GRXCR1: variants seen among roughly 807,000 people sequenced by gnomAD.
The protein encoded by GRXCR1 is glutaredoxin and cysteine rich domain containing 1, also known as glutaredoxin domain-containing cysteine-rich protein 1.
A neutral mutation model predicts 27.3 loss-of-function variants in GRXCR1; 27 were observed. The ratio of observed to expected loss-of-function variants is 0.99; its 90% CI spans 0.73 to 1.37. The LOEUF is 1.37. Ranked by LOEUF, GRXCR1 falls within the 40% of genes most tolerant of loss-of-function variation. GRXCR1 has a pLI of 0.00. For synonymous variants in GRXCR1, 122 were observed against 131.1 expected (o/e 0.93, Z 0.47); for missense variants, 379 against 354.4 (o/e 1.07, Z -0.56).
chr4:42,928,812 C>T (rs1747232887), intron 1 of GRXCR1, among the ~76,000 whole-genome samples: 1 of 151,904 alleles, frequency 6.6e-6, no homozygotes, highest in Non-Finnish European at 1.5e-5. Context: ...ATCCCTGACC[C>T]TTGGATAATT....
intron 2 of GRXCR1, among the ~76,000 whole-genome samples, chr4:42,981,585 T>A (rs942152584): frequency 6.6e-6 from 1 of 152,222 alleles, no homozygotes; most frequent in African/African-American, 2.4e-5. Context: ...TTCTTTTAGC[T>A]TGAAGAACTT....
chr4:43,001,083 T>C (rs1712340719), intron 2 of GRXCR1, among the ~76,000 whole-genome samples: 1 of 151,598 alleles, frequency 6.6e-6, no homozygotes, highest in African/African-American at 2.4e-5. Context: ...GCCCTCATTG[T>C]GCCCAGCTAA....
chr4:42,928,425 C>A (rs1272640109), intron 1 of GRXCR1, among the ~76,000 whole-genome samples: 1 of 151,946 alleles, frequency 6.6e-6, no homozygotes, highest in Non-Finnish European at 1.5e-5. Flanking sequence ...GTATTAGAGG[C>A]AATGGTCTTC....
chr4:43,019,296 C>G (rs1713028043), intron 2 of GRXCR1, among the ~76,000 whole-genome samples: 1 of 152,164 alleles, frequency 6.6e-6, no homozygotes. Flanking sequence ...AAAAAATACA[C>G]TTTTACATAA....
Position 42,987,273 on chromosome 4 carries a change from T to G in GRXCR1, c.627+24139T>G, listed in dbSNP as rs545883237. Among the ~76,000 whole-genome samples the G allele has an allele frequency of 3.0e-3, 312 of 105,738 alleles. 3 individuals carry two copies. Among genetic ancestry groups the G allele is most frequent in the South Asian group, 9.6e-3 (34 of 3,540 alleles). The allele number at this position is 105,738 out of a possible 152,430, so 69.4% of individuals were successfully genotyped here. ...AATATATATATATAATATATATATA[T>G]ATATAGAGAGAGAGAGAGAGAGAGA... On this transcript the variant is annotated intron_variant, in intron 2 of 3. Transcript: ENST00000399770.
intron 1 of GRXCR1, among the ~76,000 whole-genome samples, chr4:42,938,742 C>T (rs1747521629): frequency 6.6e-6 from 1 of 151,904 alleles, no homozygotes; most frequent in Admixed American, 6.6e-5. Context: ...TTTCCCAGCA[C>T]CATTAATTAA....
chr4:42,928,198 G>C (rs1448190279), intron 1 of GRXCR1, among the ~76,000 whole-genome samples: 1 of 151,960 alleles, frequency 6.6e-6, no homozygotes, highest in African/African-American at 2.4e-5. Flanking sequence ...GTATTAGGTA[G>C]TACTTCTACT....
chr4:43,018,957 C>T (rs755052358), intron 2 of GRXCR1, among the ~76,000 whole-genome samples: 2 of 152,122 alleles, frequency 1.3e-5, no homozygotes, highest in Non-Finnish European at 2.9e-5. Context: ...CTCTGTAGCC[C>T]TGTGCGTTCG....
In GRXCR1 at chr4:42,969,300, AG is replaced by A. The variant is rs1353930668; in HGVS notation, c.627+6167del. On this transcript the variant is annotated intron_variant, in intron 2 of 3. Transcript: ENST00000399770. The stretch of plus-strand genomic sequence containing the variant: ...TGGGAGTCTTTGAATATCTGCTGAA[AG>A]ATGTTGATATTTTTGTTTTTGTCTG... Among the ~76,000 whole-genome samples, 3 of 152,096 alleles carry A rather than the reference AG, an allele frequency of 2.0e-5. No individual in the cohort carries two copies. The East Asian group carries it at 5.8e-4, about 29-fold the overall frequency.
chr4:42,927,025 A>G (rs1384797286), intron 1 of GRXCR1, among the ~76,000 whole-genome samples: 1 of 152,024 alleles, frequency 6.6e-6, no homozygotes, highest in African/African-American at 2.4e-5. Flanking sequence ...CATCACCCAA[A>G]TCATTATTAT....
At chr4:42,978,321 A>ATAAC (rs1289081822) in intron 2 of GRXCR1, among the ~76,000 whole-genome samples, 1 of 152,040 alleles carries the variant, frequency 6.6e-6, no homozygotes, top group African/African-American at 2.4e-5. Flanking sequence ...GAATTTTAGG[A>ATAAC]TAACTTTTTA....
At chr4:42,938,013 C>G (rs1038827484) in intron 1 of GRXCR1, among the ~76,000 whole-genome samples, 6 of 151,916 alleles carry the variant, frequency 3.9e-5, no homozygotes, top group African/African-American at 1.4e-4. Context: ...AAAATTAGAT[C>G]TGATTCGTTG....
intron 1 of GRXCR1, among the ~76,000 whole-genome samples, chr4:42,902,766 G>A (rs1390448224): frequency 6.6e-6 from 1 of 152,144 alleles, no homozygotes; most frequent in East Asian, 1.9e-4. Flanking sequence ...GATGATCTGT[G>A]CAGCAAACCA....
chr4:42,974,029 C>A (rs537525853), intron 2 of GRXCR1, among the ~76,000 whole-genome samples: 2 of 152,236 alleles, frequency 1.3e-5, no homozygotes, highest in Admixed American at 1.3e-4. Context: ...ATAGAACCAA[C>A]GTTTCATATG....
At chr4:43,007,635 TA>T (rs1478452453) in intron 2 of GRXCR1, among the ~76,000 whole-genome samples, 1 of 152,152 alleles carries the variant, frequency 6.6e-6, no homozygotes, top group Non-Finnish European at 1.5e-5. Flanking sequence ...GCATTTAAAA[TA>T]AACATTGCAT....
intron 1 of GRXCR1, among the ~76,000 whole-genome samples, chr4:42,933,733 C>G (rs71610032): frequency 0.14 from 21,566 of 151,886 alleles, 1,637 homozygotes; most frequent in Non-Finnish European, 0.16. Flanking sequence ...GATGCCACCT[C>G]TGAACCAGGA....
At chr4:42,976,127 T>A (rs1171931596) in intron 2 of GRXCR1, among the ~76,000 whole-genome samples, 1 of 152,102 alleles carries the variant, frequency 6.6e-6, no homozygotes, top group Non-Finnish European at 1.5e-5. Context: ...GTCTAGCAGG[T>A]CCATTGTTTA....
intron 3 of GRXCR1, among the ~76,000 whole-genome samples, chr4:43,025,957 CAG>C (rs1713244995): frequency 1.6e-5 from 2 of 127,328 alleles, no homozygotes; most frequent in African/African-American, 3.0e-5. Flanking sequence ...GCCTGGGAAA[CAG>C]AGCGAAACTC....
chr4:42,928,618 A>G (rs1400021377), intron 1 of GRXCR1, among the ~76,000 whole-genome samples: 2 of 152,058 alleles, frequency 1.3e-5, no homozygotes, highest in Non-Finnish European at 2.9e-5. Context: ...GATAGGAGGC[A>G]CTGCCTGCCT....
Sources: gnomAD v4.1 joint callset for allele counts (sites outside exome capture counted in the v4.1 genomes callset) on GRCh38, gnomAD v4.1.1 for gene constraint, MANE v1.5 for transcripts, NCBI Gene and HGNC (gene_info 2026-07-23, HGNC 2026-07-21) for gene names.